RCC1L: variants seen among roughly 807,000 people sequenced by gnomAD.
RCC1L encodes RCC1-like G exchanging factor-like protein.
In RCC1L, 46 loss-of-function variants were observed where a neutral mutation model predicts 58.6. The observed-to-expected ratio is 0.79, with a 90% confidence interval of 0.62 to 1.00. The LOEUF is 1.00. RCC1L is among the 50% of genes least tolerant of loss of function. The pLI is 0.00. For synonymous variants in RCC1L, 281 were observed against 262.9 expected (o/e 1.07, Z -0.67); for missense variants, 636 against 623.6 (o/e 1.02, Z -0.21).
At chr7:75,064,819 G>T (rs931472848) in intron 3 of RCC1L, 171 bp from the exon 4 acceptor site, 113 of 728,086 alleles carry the variant, frequency 1.6e-4, no homozygotes, top group Non-Finnish European at 2.6e-4. Flanking sequence ...ACTCACAAGG[G>T]GCATGGGGGA....
intron 10 of RCC1L, among the ~76,000 whole-genome samples, chr7:75,031,709 G>A (rs1805311418): frequency 6.6e-6 from 1 of 152,106 alleles, no homozygotes; most frequent in Non-Finnish European, 1.5e-5. Flanking sequence ...ACCTGGTGCT[G>A]TATAACAAGT....
At chr7:75,066,849 C>T in intron 2 of RCC1L, 57 bp from the exon 3 acceptor site, 1 of 1,560,206 alleles carries the variant, frequency 6.4e-7, no homozygotes, top group Non-Finnish European at 8.7e-7. Context: ...GGAAATCATA[C>T]TGTCCAACTC....
In RCC1L at chr7:75,070,735, A is replaced by C; in HGVS notation, c.359T>G (p.Leu120Arg). Residue 120 changes from leucine to arginine, a missense_variant, in exon 2 of 11, where the codon CTG (leucine) becomes CGG (arginine). Coordinates refer to ENST00000610322, the MANE Select transcript of RCC1L (RefSeq NM_030798.5). ...AACATCCGCAGTCTTAGAGGACAGC[A>C]GTGTGAATCCATAGCCGCAAGCAGC... ...SSAACGYGFT[L>R]LSSKTADVTK... is the part of the protein sequence containing the mutation. The C allele has an allele frequency of 1.2e-6, 2 of 1,614,194 alleles. No homozygotes were observed. The highest frequency in any genetic ancestry group is 1.7e-6 in the Non-Finnish European group (2 of 1,180,020).
intron 10 of RCC1L, among the ~76,000 whole-genome samples, chr7:75,030,111 C>T (rs1174793656): frequency 2.0e-5 from 3 of 152,216 alleles, no homozygotes; most frequent in Non-Finnish European, 4.4e-5. Flanking sequence ...GCCGAGAGAG[C>T]TTGTGGCTGT....
intron 3 of RCC1L, 52 bp from the exon 4 acceptor site, chr7:75,064,700 G>A (rs1323762348): frequency 7.5e-6 from 12 of 1,597,546 alleles, no homozygotes; most frequent in Non-Finnish European, 1.0e-5. Flanking sequence ...TGGGATCCTA[G>A]AATGTGAGGA....
chr7:75,060,327 T>A (rs888240610), intron 6 of RCC1L, among the ~76,000 whole-genome samples: 2 of 152,214 alleles, frequency 1.3e-5, no homozygotes, highest in African/African-American at 4.8e-5. Context: ...GAGTCTACAG[T>A]TCAGTGCTCT....
At chr7:75,035,103 TCAC>T (rs1215978639) in intron 10 of RCC1L, among the ~76,000 whole-genome samples, 1 of 152,208 alleles carries the variant, frequency 6.6e-6, no homozygotes, top group Non-Finnish European at 1.5e-5. Context: ...CAATCCAAGC[TCAC>T]TGCAGCCCCC....
intron 2 of RCC1L, among the ~76,000 whole-genome samples, chr7:75,067,548 G>A (rs1260393781): frequency 6.6e-6 from 1 of 152,056 alleles, no homozygotes; most frequent in Non-Finnish European, 1.5e-5. Context: ...AGAACTGCTT[G>A]AACCCAGGAG....
At chr7:75,062,806 T>G (rs960307608) in intron 5 of RCC1L, among the ~76,000 whole-genome samples, 4 of 148,836 alleles carry the variant, frequency 2.7e-5, no homozygotes, top group Non-Finnish European at 6.0e-5. Flanking sequence ...CAAAAATCTG[T>G]TTTTTTTTGA....
At chr7:75,067,099 C>T (rs1000907326) in intron 2 of RCC1L, among the ~76,000 whole-genome samples, 9 of 147,372 alleles carry the variant, frequency 6.1e-5, no homozygotes, top group African/African-American at 7.5e-5. Flanking sequence ...GTCAGGAGTT[C>T]GAGACTAGCC....
exon 11 of RCC1L, chr7:75,028,043 G>A: frequency 1.3e-6 from 2 of 1,534,818 alleles, no homozygotes; most frequent in Non-Finnish European, 8.7e-7. Flanking sequence ...CAGAGGAGTG[G>A]GCCTGTTGTC....
intron 5 of RCC1L, among the ~76,000 whole-genome samples, chr7:75,062,362 T>A (rs938870837): frequency 8.6e-5 from 13 of 152,014 alleles, no homozygotes; most frequent in Non-Finnish European, 1.6e-4. Context: ...TTTAAAATAA[T>A]TAGCCGAGGA....
chr7:75,061,452 G>A (rs1214763589), intron 5 of RCC1L, among the ~76,000 whole-genome samples, 161 bp from the exon 6 acceptor site: 1 of 152,126 alleles, frequency 6.6e-6, no homozygotes, highest in African/African-American at 2.4e-5. Flanking sequence ...CAATCTACCA[G>A]TCTCCCACTG....
At chr7:75,071,145 C>G (rs1806712186) in intron 1 of RCC1L, among the ~76,000 whole-genome samples, 1 of 152,116 alleles carries the variant, frequency 6.6e-6, no homozygotes, top group Non-Finnish European at 1.5e-5. Flanking sequence ...CGTCAGCCAC[C>G]GTGCCTGGCC....
Position 75,057,563 on chromosome 7 carries a change from A to T in RCC1L, c.1023T>A (p.Ala341=). 3.1e-6 allele frequency: 5 copies of T among 1,613,970 alleles called. No individual in the cohort carries two copies. The highest frequency in any genetic ancestry group is 4.2e-6 in the Non-Finnish European group (5 of 1,179,860). The stretch of plus-strand genomic sequence containing the variant: ...CTGCACAGCCCGTGCCACCGCATGC[A>T]GCCTGTCGCACCTTCCCCACTCCTG... ...HFSGVGKVRQ[A]ACGGTGCAVL... The change falls in exon 8 of 11, where the codon GCT becomes GCA. Residue 341 remains alanine (A), a synonymous_variant. Coordinates refer to ENST00000610322, the MANE Select transcript of RCC1L (RefSeq NM_030798.5).
chr7:75,058,545 T>C (rs2131995773), intron 7 of RCC1L, 43 bp downstream of exon 7: 1 of 1,555,484 alleles, frequency 6.4e-7, no homozygotes, highest in Admixed American at 2.0e-5. Flanking sequence ...AACACTTTAA[T>C]GTTTCCAAAC....
intron 2 of RCC1L, 113 bp downstream of exon 2, chr7:75,070,527 C>T (rs1806684345): frequency 2.9e-6 from 4 of 1,402,338 alleles, no homozygotes; most frequent in Admixed American, 2.4e-5. Flanking sequence ...GCCAGGATCT[C>T]GCCACTGCAC....
chr7:75,061,236 G>A lies in RCC1L; in HGVS notation c.758C>T (p.Ser253Phe). Residue 253 changes from serine (S) to phenylalanine (F), a missense_variant, in exon 6 of 11, where the codon TCT becomes TTT. Coordinates refer to ENST00000610322, the MANE Select transcript of RCC1L (RefSeq NM_030798.5). Reference sequence around the variant, plus strand: ...TTGCCCATCAGCACCCCATCCACAAGAATAGACTTCTCCTTTATCCGTCAG... The same window carrying A: ...TTGCCCATCAGCACCCCATCCACAAAAATAGACTTCTCCTTTATCCGTCAG... ...LFLTDKGEVY[S>F]CGWGADGQTG... 1.2e-6 allele frequency: 2 copies of A among 1,613,760 alleles called. No individual in the cohort carries two copies.
intron 1 of RCC1L, among the ~76,000 whole-genome samples, chr7:75,071,018 G>A (rs1344287740): frequency 1.3e-5 from 2 of 151,960 alleles, no homozygotes; most frequent in African/African-American, 4.8e-5. Context: ...ACCACGTCTG[G>A]CTAACTTCTG....
Sources: gnomAD v4.1 joint callset for allele counts (sites outside exome capture counted in the v4.1 genomes callset) on GRCh38, gnomAD v4.1.1 for gene constraint, MANE v1.5 for transcripts, NCBI Gene and HGNC (gene_info 2026-07-23, HGNC 2026-07-21) for gene names.